ROCK1: variants seen among roughly 807,000 people sequenced by gnomAD.
ROCK1 encodes the protein rho-associated protein kinase 1.
ROCK1 carries 36 observed loss-of-function variants against 196.8 expected under a neutral mutation model. The observed-to-expected ratio is 0.18, with a 90% CI of 0.14 to 0.24. The LOEUF is 0.24. ROCK1 is among the 10% of genes least tolerant of loss of function. The pLI is 1.00. For synonymous variants in ROCK1, 443 were observed against 515.9 expected, an observed-to-expected ratio of 0.86 and a Z score of 1.91; for missense variants, 920 against 1,562.0, an observed-to-expected ratio of 0.59 and a Z score of 6.93.
intron 22 of ROCK1, among the ~76,000 whole-genome samples, chr18:20,971,487 C>T (rs901961397): frequency 4.0e-5 from 6 of 151,638 alleles, no homozygotes; most frequent in Non-Finnish European, 8.8e-5. Context: ...CCCCATAATC[C>T]CAGCCCTTTG....
At chr18:21,023,586 A>C (rs113850934) in intron 11 of ROCK1, 34 bp downstream of exon 11, 1 of 1,207,752 alleles carries the variant, frequency 8.3e-7, no homozygotes, top group Non-Finnish European at 1.2e-6. Context: ...AACAATTTTA[A>C]AAACAATTTT....
chr18:21,060,686 A>G (rs2036280985), intron 2 of ROCK1, among the ~76,000 whole-genome samples: 2 of 151,990 alleles, frequency 1.3e-5, no homozygotes, highest in South Asian at 4.1e-4. Flanking sequence ...CTAAAAATAC[A>G]AAATTAGCCG....
intron 12 of ROCK1, among the ~76,000 whole-genome samples, chr18:21,018,478 C>A (rs770074153): frequency 6.6e-6 from 1 of 150,870 alleles, no homozygotes; most frequent in Non-Finnish European, 1.5e-5. Flanking sequence ...TGCAGTGAGC[C>A]GCGATCGCGC....
intron 1 of ROCK1, among the ~76,000 whole-genome samples, chr18:21,075,473 G>C (rs1467828332): frequency 6.6e-6 from 1 of 152,200 alleles, no homozygotes; most frequent in Non-Finnish European, 1.5e-5. Context: ...ATCATTTCAT[G>C]AATAACTAGA....
intron 1 of ROCK1, among the ~76,000 whole-genome samples, chr18:21,083,301 T>C (rs2036497517): frequency 6.6e-6 from 1 of 152,154 alleles, no homozygotes; most frequent in East Asian, 1.9e-4. Flanking sequence ...ATCCCAATGG[T>C]GTTTTTTGCA....
intron 7 of ROCK1, 116 bp from the exon 8 acceptor site, chr18:21,042,351 A>G: frequency 9.7e-7 from 1 of 1,033,282 alleles, no homozygotes; most frequent in Non-Finnish European, 1.4e-6. Flanking sequence ...TATTAAACTA[A>G]AAACATACAC....
At chr18:21,043,564 C>CATATACATAATGTATATGT (rs1165272428) in intron 6 of ROCK1, among the ~76,000 whole-genome samples, 8 of 139,426 alleles carry the variant, frequency 5.7e-5, no homozygotes, top group Non-Finnish European at 1.2e-4. Context: ...TATGTATATA[C>CATATACATAATGTATATGT]ATATACATAA....
At chr18:21,027,015 TG>T (rs1235617108) in intron 10 of ROCK1, among the ~76,000 whole-genome samples, 14 of 151,554 alleles carry the variant, frequency 9.2e-5, no homozygotes, top group African/African-American at 3.4e-4. Context: ...CTAGGCTCAC[TG>T]TAACCTCCGC....
chr18:20,980,831 G>A (rs771276378), intron 21 of ROCK1, among the ~76,000 whole-genome samples: 4 of 149,854 alleles, frequency 2.7e-5, no homozygotes, highest in Non-Finnish European at 5.9e-5. Context: ...CAGGAGAATC[G>A]CTTGAACCCA....
chr18:20,963,836 A>G (rs1332385201), intron 27 of ROCK1, among the ~76,000 whole-genome samples: 4 of 152,208 alleles, frequency 2.6e-5, no homozygotes, highest in African/African-American at 9.6e-5. Context: ...AACCTGCTAC[A>G]GAACCAAAGA....
intron 10 of ROCK1, among the ~76,000 whole-genome samples, chr18:21,028,420 AAAAACAAAAC>A (rs772586765): frequency 6.6e-6 from 1 of 152,066 alleles, no homozygotes; most frequent in African/African-American, 2.4e-5. Flanking sequence ...CATCGTGGAA[AAAAACAAAAC>A]AAAACAAAAC....
At chr18:20,990,693 C>CAAAAAA (rs1170099682) in intron 18 of ROCK1, among the ~76,000 whole-genome samples, 2 of 22,596 alleles carry the variant, frequency 8.9e-5, no homozygotes, top group Non-Finnish European at 1.2e-4. Context: ...AACTTCGTCT[C>CAAAAAA]AAAAAAAAAA....
chr18:21,046,524 AG>A (rs554289708), intron 4 of ROCK1, among the ~76,000 whole-genome samples: 5 of 152,256 alleles, frequency 3.3e-5, no homozygotes, highest in Non-Finnish European at 7.3e-5. Flanking sequence ...GACAGCAGTC[AG>A]GAGGAGGAGC....
At position 20,991,176 on chromosome 18, in the gene ROCK1, C is replaced by A; in HGVS notation, c.2143G>T (p.Glu715Ter). The A allele has an allele frequency of 6.3e-7, 1 of 1,582,322 alleles. No individual in the cohort carries two copies. The highest frequency in any genetic ancestry group is 2.3e-5 in the East Asian group (1 of 44,440). The change falls in exon 18 of 33, where the codon GAG becomes TAG. Residue 715 changes from glutamate (E) to a stop codon, truncating the protein, a stop_gained and splice_region_variant. Transcript: ENST00000399799. LOFTEE classifies it high-confidence loss of function. ...TAAAAATATTAAAACTGACACTTAC[C>A]ACACATTGCCACAGACTTTGCCTCT... ...IEEAKSVAMC[E>*]MEKKLKEERE...
chr18:21,070,452 A>G, intron 2 of ROCK1, 80 bp downstream of exon 2: 2 of 710,768 alleles, frequency 2.8e-6, no homozygotes, highest in East Asian at 2.9e-5. Flanking sequence ...TAAATAGAAG[A>G]AAAAATAAGG....
chr18:21,037,325 C>T (rs1039084531), intron 9 of ROCK1, among the ~76,000 whole-genome samples: 3 of 151,990 alleles, frequency 2.0e-5, no homozygotes, highest in African/African-American at 4.8e-5. Flanking sequence ...ATTGCCATTG[C>T]AATGTGGAGA....
chr18:20,970,873 C>A (rs1275973871), intron 22 of ROCK1, among the ~76,000 whole-genome samples: 1 of 152,142 alleles, frequency 6.6e-6, no homozygotes, highest in Non-Finnish European at 1.5e-5. Flanking sequence ...AGACCCAGAA[C>A]TTTATCTCTG....
At chr18:20,993,594 T>C (rs1445994739) in intron 16 of ROCK1, among the ~76,000 whole-genome samples, 1 of 152,192 alleles carries the variant, frequency 6.6e-6, no homozygotes, top group Admixed American at 6.5e-5. Flanking sequence ...CTGCAAAGTG[T>C]TTAATAAAAT....
chr18:21,061,247 T>A (rs2036287667), intron 2 of ROCK1, among the ~76,000 whole-genome samples: 2 of 151,892 alleles, frequency 1.3e-5, no homozygotes, highest in African/African-American at 4.8e-5. Flanking sequence ...CCCGGCTAAT[T>A]TTCGTATTTT....
Sources: gnomAD v4.1 joint callset for allele counts (sites outside exome capture counted in the v4.1 genomes callset) on GRCh38, gnomAD v4.1.1 for gene constraint, MANE v1.5 for transcripts, NCBI Gene and HGNC (gene_info 2026-07-23, HGNC 2026-07-21) for gene names.